Variants in DPF3 observed in about 807,000 individuals in gnomAD.
DPF3 encodes double PHD fingers 3.
In DPF3, 18 loss-of-function variants were observed where a neutral mutation model predicts 56.8. The ratio of observed to expected loss-of-function variants is 0.32; its 90% CI spans 0.22 to 0.47. The LOEUF (loss-of-function observed/expected upper bound fraction) is 0.47, where lower values mean the gene tolerates loss of function less well. Among genes scored for constraint, DPF3 ranks in the 20% least tolerant of loss-of-function variants. DPF3 has a pLI of 1.00. For missense variants in DPF3, 403 were observed against 488.8 expected (o/e 0.82, Z 1.65); for synonymous variants, 188 against 180.2 (o/e 1.04, Z -0.35).
intron 1 of DPF3, among the ~76,000 whole-genome samples, chr14:72,854,291 G>A (rs1015398008): frequency 6.7e-6 from 1 of 149,212 alleles, no homozygotes; most frequent in Non-Finnish European, 1.5e-5. Context: ...GGGAGGTGGA[G>A]GTTGCAGTGA....
chr14:72,754,060 C>T (rs1209141735), intron 2 of DPF3, among the ~76,000 whole-genome samples: 1 of 152,082 alleles, frequency 6.6e-6, no homozygotes, highest in Admixed American at 6.5e-5. Context: ...ACGTGCCACC[C>T]TGTGTGTGTG....
chr14:72,664,999 G>T (rs1484202034), intron 8 of DPF3, among the ~76,000 whole-genome samples: 2 of 152,160 alleles, frequency 1.3e-5, no homozygotes, highest in Non-Finnish European at 2.9e-5. Context: ...CATGGGTTAG[G>T]TTGTGATTCC....
rs1226207727 is a variant in DPF3, at chr14:72,693,095, G to A, written c.723C>T (p.His241=). ...ACTCACGCCTGTGGTTCTCATTTCT[G>A]TGGTTGGGTGGGGACCGAGTCTCCT... ...QDQETRSPPN[H]RNENHRPQKG... Residue 241 remains histidine (H), a synonymous_variant, in exon 7 of 11, where the codon CAC becomes CAT. Transcript: ENST00000556509. 1.2e-6 allele frequency: 2 copies of A among 1,614,002 alleles called. No homozygotes were observed. The highest frequency in any genetic ancestry group is 1.1e-5 in the South Asian group (1 of 91,078).
intron 6 of DPF3, among the ~76,000 whole-genome samples, chr14:72,712,912 A>G (rs1445813787): frequency 1.3e-5 from 2 of 152,260 alleles, no homozygotes; most frequent in African/African-American, 4.8e-5. Context: ...AACGAAGAAT[A>G]TAGTAGCAAT....
rs146924767 is a variant in DPF3, at chr14:72,661,262, C to T, written c.871+12978G>A. 5.4e-4 allele frequency: 531 copies of T among 985,390 alleles called. 3 individuals are homozygous for T. The African/African-American group carries it at 7.8e-3, about 14-fold the overall frequency. The allele number at this position is 985,390 out of a possible 1,614,324, so 61.0% of individuals were successfully genotyped here. A position where few individuals can be genotyped will look rare whatever the true frequency, so the allele number is the denominator to read the frequency against. ...GGCTACAAAATGATACAGACACTCT[C>T]GGTGATCCCCTCCACCAACAGGACT... On this transcript the variant is annotated intron_variant, in intron 8 of 10. Coordinates refer to ENST00000556509, the MANE Select transcript of DPF3 (RefSeq NM_001280542.3).
At chr14:72,823,076 A>C (rs1266503865) in intron 1 of DPF3, among the ~76,000 whole-genome samples, 1 of 152,210 alleles carries the variant, frequency 6.6e-6, no homozygotes, top group Non-Finnish European at 1.5e-5. Flanking sequence ...GCAAAACCAA[A>C]GTTTTAGTCA....
intron 8 of DPF3, among the ~76,000 whole-genome samples, chr14:72,640,347 A>G (rs1466369908): frequency 2.6e-5 from 4 of 152,278 alleles, no homozygotes; most frequent in Non-Finnish European, 5.9e-5. Flanking sequence ...GTCTGGTGAT[A>G]GGTCAGAAGG....
At chr14:72,758,974 A>C (rs2191823) in intron 2 of DPF3, among the ~76,000 whole-genome samples, 48,689 of 152,080 alleles carry the variant, frequency 0.32, 8,406 homozygotes, top group Middle Eastern at 0.4. Flanking sequence ...TATGACTTAT[A>C]ATAAGGAGAA....
chr14:72,765,437 A>G (rs1189351918), intron 2 of DPF3, among the ~76,000 whole-genome samples: 1 of 152,232 alleles, frequency 6.6e-6, no homozygotes, highest in Non-Finnish European at 1.5e-5. Context: ...GCATATGTCC[A>G]TTCAAAAACT....
At chr14:72,862,857 C>T (rs1047331192) in intron 1 of DPF3, among the ~76,000 whole-genome samples, 3 of 152,048 alleles carry the variant, frequency 2.0e-5, no homozygotes, top group Admixed American at 1.3e-4. Context: ...ATCTGGGTGC[C>T]CCCACTAGAA....
intron 7 of DPF3, among the ~76,000 whole-genome samples, chr14:72,688,241 G>A (rs916265164): frequency 3.5e-4 from 43 of 122,908 alleles, no homozygotes; most frequent in Non-Finnish European, 6.1e-4. Context: ...TGGATGGGAT[G>A]GATGGATGGG....
At chr14:72,848,401 G>A (rs1884844667) in intron 1 of DPF3, among the ~76,000 whole-genome samples, 1 of 152,296 alleles carries the variant, frequency 6.6e-6, no homozygotes, top group Admixed American at 6.5e-5. Flanking sequence ...CTGGCTTCAT[G>A]TGATCCGCCC....
intron 5 of DPF3, among the ~76,000 whole-genome samples, chr14:72,722,458 C>T (rs1366630535): frequency 3.3e-5 from 5 of 152,176 alleles, no homozygotes; most frequent in African/African-American, 1.2e-4. Flanking sequence ...CCCAGAGCTC[C>T]TAAAGCAGAA....
At position 72,688,107 on chromosome 14, in the gene DPF3, T is replaced by G. The variant is rs77118631; in HGVS notation, c.742+4969A>C. On this transcript the variant is annotated intron_variant, in intron 7 of 10. Coordinates refer to ENST00000556509, the MANE Select transcript of DPF3 (RefSeq NM_001280542.3). ...CATATAGACAATATTCAATACATGG[T>G]TATTACATGGATGGGTGGATGGATA... is the stretch of plus-strand genomic sequence containing the variant. 2.3e-3 allele frequency among the ~76,000 whole-genome samples: 337 copies of G among 149,566 alleles called. 1 individual carries two copies. Among genetic ancestry groups the G allele is most frequent in the African/African-American group, 8.1e-3 (330 of 40,628 alleles).
chr14:72,892,063 C>A (rs1661078040), intron 1 of DPF3: 10 of 1,426,290 alleles, frequency 7.0e-6, no homozygotes, highest in Non-Finnish European at 9.2e-6. Context: ...AGTAGGGGAA[C>A]ACAAGCTTAG....
At chr14:72,725,866 T>A (rs150771025) in intron 4 of DPF3, among the ~76,000 whole-genome samples, 4 of 152,252 alleles carry the variant, frequency 2.6e-5, no homozygotes, top group African/African-American at 9.6e-5. Flanking sequence ...ACCCAATCCA[T>A]CCAAAGAACT....
intron 1 of DPF3, among the ~76,000 whole-genome samples, chr14:72,805,108 G>C (rs1003178563): frequency 9.5e-5 from 7 of 73,840 alleles, no homozygotes; most frequent in African/African-American, 3.0e-4. Context: ...ACAAGGTGCA[G>C]CCCCAGCCTC....
At chr14:72,858,587 G>T (rs1341510549) in intron 1 of DPF3, among the ~76,000 whole-genome samples, 2 of 152,192 alleles carry the variant, frequency 1.3e-5, no homozygotes, top group Non-Finnish European at 2.9e-5. Context: ...ACTAAGATAG[G>T]GGGTGGGGGA....
intron 7 of DPF3, among the ~76,000 whole-genome samples, chr14:72,681,895 G>A (rs766278740): frequency 2.0e-4 from 30 of 152,172 alleles, no homozygotes; most frequent in Non-Finnish European, 3.2e-4. Flanking sequence ...TTAATGCTTC[G>A]GAATAGTAAG....
Sources: gnomAD v4.1 joint callset for allele counts (sites outside exome capture counted in the v4.1 genomes callset) on GRCh38, gnomAD v4.1.1 for gene constraint, MANE v1.5 for transcripts, NCBI Gene and HGNC (gene_info 2026-07-23, HGNC 2026-07-21) for gene names.